The following IPO11 variants were observed in gnomAD, a reference collection of about 807,000 sequenced individuals.
IPO11 encodes importin-11.
Under a neutral mutation model 143.2 loss-of-function variants are expected in IPO11, and 66 were observed. That is an observed-to-expected ratio of 0.46 (90% confidence interval 0.38 to 0.57). The LOEUF (loss-of-function observed/expected upper bound fraction) is 0.57, where lower values mean the gene tolerates loss of function less well. Among genes scored for constraint, IPO11 ranks in the 20% least tolerant of loss-of-function variants. The pLI is 0.00. For synonymous variants in IPO11, 385 were observed against 377.8 expected (o/e 1.02, Z -0.22); for missense variants, 1,026 against 1,141.0 (o/e 0.90, Z 1.45).
At chr5:62,607,770 A>T (rs1745778208) in intron 29 of IPO11, among the ~76,000 whole-genome samples, 1 of 149,870 alleles carries the variant, frequency 6.7e-6, no homozygotes, top group Admixed American at 6.6e-5. Context: ...CGCAGTTAAC[A>T]TTTATCACTT....
chr5:62,509,172 C>T lies in IPO11; in HGVS notation c.1782+2815C>T, dbSNP rs115285041. The stretch of plus-strand genomic sequence containing the variant: ...TGCAGAGATCTTATAAATATATAGT[C>T]AAAATAAATATGTAATCATCAGGCG... On this transcript the variant is annotated intron_variant, in intron 19 of 29. Transcript: ENST00000325324. Among the ~76,000 whole-genome samples, 771 of 152,034 alleles carry T rather than the reference C, an allele frequency of 5.1e-3. 7 individuals are homozygous for T. The highest frequency in any genetic ancestry group is 0.018 in the African/African-American group (727 of 41,462).
rs746331073 is a variant in IPO11, at chr5:62,591,642, C to T, written c.2648C>T (p.Thr883Met). 14 of 1,606,178 alleles carry T rather than the reference C, an allele frequency of 8.7e-6. No homozygotes were observed. The highest frequency in any genetic ancestry group is 2.2e-5 in the South Asian group (2 of 89,096). Residue 883 changes from threonine to methionine, a missense_variant, in exon 28 of 30, where the codon ACG (threonine) becomes ATG (methionine). Thr to Met is a moderately conservative substitution (Grantham distance 81). Coordinates refer to ENST00000325324, the MANE Select transcript of IPO11 (RefSeq NM_016338.5). ...GTAGAAGGCCTGCATGATGTCATGA[C>T]GGAAGATCCTGAAACAGGAACTTAT... Reference protein sequence around the residue: ...ISVEGLHDVMTEDPETGTYKD... With the variant: ...ISVEGLHDVMMEDPETGTYKD...
intron 11 of IPO11, among the ~76,000 whole-genome samples, chr5:62,484,457 C>T (rs1746322947): frequency 6.6e-6 from 1 of 151,770 alleles, no homozygotes; most frequent in Non-Finnish European, 1.5e-5. Flanking sequence ...TTAACTCTCT[C>T]TTACCCTGTC....
At chr5:62,435,084 G>GTATATATGTGTA (rs1561308708) in intron 1 of IPO11, among the ~76,000 whole-genome samples, 3 of 51,714 alleles carry the variant, frequency 5.8e-5, no homozygotes, top group African/African-American at 2.2e-4. Context: ...ATATATATGT[G>GTATATATGTGTA]TATATATGTA....
chr5:62,473,102 C>T (rs1745839750), intron 7 of IPO11, among the ~76,000 whole-genome samples: 1 of 152,016 alleles, frequency 6.6e-6, no homozygotes, highest in Admixed American at 6.6e-5. Flanking sequence ...CAATTATTGT[C>T]AACTATGCTT....
chr5:62,613,238 C>T (rs780941110), intron 29 of IPO11, among the ~76,000 whole-genome samples: 9 of 150,370 alleles, frequency 6.0e-5, no homozygotes, highest in Non-Finnish European at 1.2e-4. Context: ...ATAAGAGTCC[C>T]ATGGTAGATT....
At position 62,477,962 on chromosome 5, in the gene IPO11, A is replaced by G. The variant is rs144898092; in HGVS notation, c.828+1209A>G. 1.8e-4 allele frequency among the ~76,000 whole-genome samples: 28 copies of G among 152,344 alleles called. No individual in the cohort carries two copies. The East Asian group carries it at 5.2e-3, about 28-fold the overall frequency. On this transcript the variant is annotated intron_variant, in intron 9 of 29. Coordinates refer to ENST00000325324, the MANE Select transcript of IPO11 (RefSeq NM_016338.5). ...TTCAAAATAGAATAAAGTTACTATA[A>G]ATAGAATTGAGTAACTTTGAGTCTT...
chr5:62,570,483 C>T (rs1019887695), intron 27 of IPO11, among the ~76,000 whole-genome samples: 4 of 152,166 alleles, frequency 2.6e-5, no homozygotes, highest in Admixed American at 1.3e-4. Context: ...TGATATCAAC[C>T]TTATGACACT....
intron 13 of IPO11, among the ~76,000 whole-genome samples, chr5:62,488,439 T>A (rs1297824112): frequency 2.6e-5 from 4 of 152,226 alleles, no homozygotes; most frequent in Non-Finnish European, 5.9e-5. Flanking sequence ...TGATTGACTT[T>A]TAGCAACCGA....
At chr5:62,476,614 G>A in intron 8 of IPO11, 69 bp from the exon 9 acceptor site, 1 of 1,422,668 alleles carries the variant, frequency 7.0e-7, no homozygotes, top group African/African-American at 1.5e-5. Flanking sequence ...TATTATTTTT[G>A]TAAAAATTTT....
At chr5:62,581,033 T>C (rs1163040840) in intron 27 of IPO11, 3 of 1,551,144 alleles carry the variant, frequency 1.9e-6, no homozygotes, top group Admixed American at 3.9e-5. Context: ...GACATTTTGC[T>C]AGCTTTTTTC....
At chr5:62,555,479 A>ATTATTTATTTATTTATTTAT (rs138722983) in intron 26 of IPO11, among the ~76,000 whole-genome samples, 54 of 137,252 alleles carry the variant, frequency 3.9e-4, no homozygotes, top group African/African-American at 1.1e-3. Context: ...CACCTGGCTA[A>ATTATTTATTTATTTATTTAT]TTATTTATTT....
chr5:62,600,663 C>T (rs184890367), intron 28 of IPO11, among the ~76,000 whole-genome samples: 3 of 151,978 alleles, frequency 2.0e-5, no homozygotes, highest in African/African-American at 7.2e-5. Context: ...GTCCATTGGC[C>T]AGCTACTTGT....
chr5:62,454,027 C>G (rs1745033987), intron 5 of IPO11, among the ~76,000 whole-genome samples: 1 of 152,008 alleles, frequency 6.6e-6, no homozygotes, highest in Non-Finnish European at 1.5e-5. Context: ...CCCAGCTACT[C>G]AGGAGGCTGA....
intron 29 of IPO11, among the ~76,000 whole-genome samples, chr5:62,624,744 G>C (rs1348464183): frequency 6.6e-6 from 1 of 152,076 alleles, no homozygotes; most frequent in Non-Finnish European, 1.5e-5. Flanking sequence ...CAGCACTTTG[G>C]GAGGCTGAGG....
chr5:62,582,143 G>A (rs1043377713), intron 27 of IPO11, among the ~76,000 whole-genome samples: 3 of 152,202 alleles, frequency 2.0e-5, no homozygotes, highest in Non-Finnish European at 4.4e-5. Flanking sequence ...AAGCAGTAGA[G>A]TGAAATGATT....
intron 27 of IPO11, among the ~76,000 whole-genome samples, chr5:62,586,780 T>A (rs1443131139): frequency 3.0e-5 from 4 of 132,656 alleles, no homozygotes; most frequent in African/African-American, 1.1e-4. Context: ...TATATATATA[T>A]ATATATATAT....
chr5:62,553,323 AGT>A (rs3077458), intron 26 of IPO11, among the ~76,000 whole-genome samples: 4,361 of 119,098 alleles, frequency 0.037, 52 homozygotes, highest in African/African-American at 0.045. Flanking sequence ...TATTCGTGTG[AGT>A]GTGTGTGTGT....
At chr5:62,561,009 T>G in intron 26 of IPO11, 127 bp from the exon 27 acceptor site, 1 of 778,666 alleles carries the variant, frequency 1.3e-6, no homozygotes, top group Non-Finnish European at 1.9e-6. Flanking sequence ...AGTTCAGGTA[T>G]TCCAGTTCTG....
Sources: gnomAD v4.1 joint callset for allele counts (sites outside exome capture counted in the v4.1 genomes callset) on GRCh38, gnomAD v4.1.1 for gene constraint, MANE v1.5 for transcripts, NCBI Gene and HGNC (gene_info 2026-07-23, HGNC 2026-07-21) for gene names.